The following RBFOX1 variants were observed in gnomAD, a reference collection of about 807,000 sequenced individuals.
RBFOX1 encodes RNA binding fox-1 homolog 1, also known as RNA binding protein fox-1 homolog 1.
In RBFOX1, 8 loss-of-function variants were observed where a neutral mutation model predicts 57.7. The ratio of observed to expected loss-of-function variants is 0.14; its 90% confidence interval spans 0.08 to 0.25. The LOEUF (loss-of-function observed/expected upper bound fraction) is 0.25. Ranked by LOEUF, RBFOX1 falls within the 10% of genes least tolerant of loss-of-function variation. The pLI is 1.00. For synonymous variants in RBFOX1, 326 were observed against 222.4 expected (o/e 1.47, Z -4.15); for missense variants, 611 against 548.5 (o/e 1.11, Z -1.14).
At chr16:6,434,460 C>T (rs891869553) in intron 2 of RBFOX1, among the ~76,000 whole-genome samples, 2 of 152,176 alleles carry the variant, frequency 1.3e-5, no homozygotes, top group African/African-American at 4.8e-5. Flanking sequence ...CCTGACTCTC[C>T]CTTAGTCTTG....
chr16:5,991,388 G>A (rs950976822), intron 4 of RBFOX1, among the ~76,000 whole-genome samples: 2 of 152,180 alleles, frequency 1.3e-5, no homozygotes, highest in South Asian at 2.1e-4. Context: ...GTAGAGCGCC[G>A]TGGGCTGTGA....
At chr16:6,644,493 G>T (rs2098517537) in intron 2 of RBFOX1, among the ~76,000 whole-genome samples, 1 of 152,172 alleles carries the variant, frequency 6.6e-6, no homozygotes, top group African/African-American at 2.4e-5. Context: ...CTTGTCAGAT[G>T]AACCTTTGAC....
intron 1 of RBFOX1, among the ~76,000 whole-genome samples, chr16:6,104,543 G>A (rs942272950): frequency 8.6e-5 from 13 of 151,978 alleles, no homozygotes; most frequent in South Asian, 2.1e-4. Flanking sequence ...AAGAGAGCTC[G>A]CCTCCAAGCC....
intron 2 of RBFOX1, among the ~76,000 whole-genome samples, chr16:5,493,218 C>T (rs1486197186): frequency 6.6e-6 from 1 of 152,124 alleles, no homozygotes; most frequent in Non-Finnish European, 1.5e-5. Context: ...TTTTTATTTG[C>T]TTATTTTCAT....
At chr16:5,721,450 C>T (rs1445724086) in intron 3 of RBFOX1, among the ~76,000 whole-genome samples, 1 of 152,126 alleles carries the variant, frequency 6.6e-6, no homozygotes, top group Non-Finnish European at 1.5e-5. Context: ...AAGCCGGATG[C>T]CTTTTTTTCT....
chr16:6,818,430 AAAAG>A (rs2090586241), intron 3 of RBFOX1, among the ~76,000 whole-genome samples: 1 of 152,164 alleles, frequency 6.6e-6, no homozygotes, highest in African/African-American at 2.4e-5. Flanking sequence ...TGAGTGGCCA[AAAAG>A]AAAAAAAAAA....
intron 2 of RBFOX1, among the ~76,000 whole-genome samples, chr16:5,523,346 T>C (rs116033500): frequency 0.044 from 6,692 of 152,124 alleles, 509 homozygotes; most frequent in African/African-American, 0.15. Context: ...CTGGGCGCGG[T>C]GGTTTATGCC....
At chr16:7,692,093 G>C (rs1010019093) in intron 14 of RBFOX1, among the ~76,000 whole-genome samples, 1 of 152,084 alleles carries the variant, frequency 6.6e-6, no homozygotes, top group South Asian at 2.1e-4. Context: ...TAGGGAATCT[G>C]GGGCCAGATA....
At chr16:6,537,230 G>A (rs1599185479) in intron 2 of RBFOX1, among the ~76,000 whole-genome samples, 1 of 152,040 alleles carries the variant, frequency 6.6e-6, no homozygotes, top group African/African-American at 2.4e-5. Flanking sequence ...AAGCTTCCAG[G>A]TGTTGTTCCT....
intron 4 of RBFOX1, among the ~76,000 whole-genome samples, chr16:5,899,404 T>G (rs2058252044): frequency 6.6e-6 from 1 of 151,988 alleles, no homozygotes; most frequent in Admixed American, 6.6e-5. Flanking sequence ...TCTGAGGTGG[T>G]GACAAGCTGA....
intron 2 of RBFOX1, among the ~76,000 whole-genome samples, chr16:6,649,785 T>TTA (rs1363157550): frequency 6.6e-6 from 1 of 152,238 alleles, no homozygotes; most frequent in Non-Finnish European, 1.5e-5. Context: ...GTATTCCATT[T>TTA]TATATATGTA....
chr16:7,180,812 A>G (rs1381387446), intron 4 of RBFOX1, among the ~76,000 whole-genome samples: 1 of 151,448 alleles, frequency 6.6e-6, no homozygotes, highest in African/African-American at 2.5e-5. Flanking sequence ...ATCAAGGTTA[A>G]AAAGACACAT....
At chr16:5,562,117 C>T (rs558396615) in intron 2 of RBFOX1, among the ~76,000 whole-genome samples, 1 of 152,260 alleles carries the variant, frequency 6.6e-6, no homozygotes, top group East Asian at 1.9e-4. Context: ...CAAAGCTCTT[C>T]CTGAGCTCAT....
At chr16:6,236,530 G>C (rs1310751868) in intron 1 of RBFOX1, among the ~76,000 whole-genome samples, 2 of 151,958 alleles carry the variant, frequency 1.3e-5, no homozygotes, top group East Asian at 3.9e-4. Context: ...TGTCTCCTGG[G>C]TTCAAGTGAC....
intron 2 of RBFOX1, among the ~76,000 whole-genome samples, chr16:6,575,238 A>C (rs575880299): frequency 6.6e-6 from 1 of 152,166 alleles, no homozygotes; most frequent in East Asian, 1.9e-4. Context: ...TCTGATAAAG[A>C]TAATTACATC....
intron 3 of RBFOX1, among the ~76,000 whole-genome samples, chr16:6,832,593 A>T (rs2092786756): frequency 6.6e-6 from 1 of 152,178 alleles, no homozygotes; most frequent in African/African-American, 2.4e-5. Context: ...CGCAGACGGA[A>T]AGTGAAGGTT....
At chr16:7,536,758 G>A (rs755478756) in intron 5 of RBFOX1, among the ~76,000 whole-genome samples, 2 of 152,182 alleles carry the variant, frequency 1.3e-5, no homozygotes, top group Non-Finnish European at 2.9e-5. Flanking sequence ...TTTCCAACAG[G>A]ACAGGGATGC....
intron 3 of RBFOX1, among the ~76,000 whole-genome samples, chr16:6,923,883 C>G (rs118006455): frequency 0.02 from 2,990 of 152,064 alleles, 54 homozygotes; most frequent in Non-Finnish European, 0.03. Context: ...TAAAGAAATA[C>G]CTGAAGGTCA....
intron 1 of RBFOX1, among the ~76,000 whole-genome samples, chr16:5,240,630 TTG>T (rs1398909375): frequency 6.6e-6 from 1 of 152,024 alleles, no homozygotes; most frequent in African/African-American, 2.4e-5. Context: ...GCAGCGAGAG[TTG>T]AGAGGAGGCA....
Sources: allele counts gnomAD v4.1 joint callset (sites outside exome capture counted in the v4.1 genomes callset), GRCh38; gene constraint gnomAD v4.1.1; transcripts MANE v1.5; gene names NCBI Gene and HGNC (gene_info 2026-07-23, HGNC 2026-07-21).